TDRKH: variants seen among roughly 807,000 people sequenced by gnomAD.
TDRKH encodes the protein tudor and KH domain containing.
TDRKH carries 28 observed loss-of-function variants against 61.3 expected under a neutral mutation model. The ratio of observed to expected loss-of-function variants is 0.46; its 90% CI spans 0.34 to 0.63. The LOEUF (loss-of-function observed/expected upper bound fraction) is 0.63, where lower values mean the gene tolerates loss of function less well. Ranked by LOEUF, TDRKH falls within the 20% of genes least tolerant of loss-of-function variation. The pLI is 0.01. For missense variants in TDRKH, 540 were observed against 683.4 expected (o/e 0.79, Z 2.34); for synonymous variants, 219 against 244.4 (o/e 0.90, Z 0.97).
intron 1 of TDRKH, among the ~76,000 whole-genome samples, chr1:151,789,153 G>A (rs1441402018): frequency 6.6e-6 from 1 of 152,088 alleles, no homozygotes; most frequent in Non-Finnish European, 1.5e-5. Flanking sequence ...CAGTCGTCCG[G>A]CGTAGCTGAG....
At chr1:151,770,328 A>AC, downstream of TDRKH, 1 of 1,541,442 alleles carries the variant, frequency 6.5e-7, no homozygotes, top group Non-Finnish European at 8.7e-7. Flanking sequence ...TTTATAGGAG[A>AC]CCCTCTTCCC....
In TDRKH at chr1:151,776,591, G is replaced by T. The variant is rs1649206503; in HGVS notation, c.892C>A (p.Pro298Thr). ...PEMPMFEIPS[P>T]DFSFHADEYL... ...TCATCAGCATGAAAACTGAAGTCAG[G>T]ACTGGGGACTGAACACAGAGATAAG... The change falls in exon 7 of 13, where the codon CCT (proline) becomes ACT (threonine). Residue 298 changes from proline (P) to threonine (T), a missense_variant. Coordinates refer to ENST00000368824, the MANE Select transcript of TDRKH (RefSeq NM_001083965.2). 3 of 1,614,080 alleles carry T rather than the reference G, an allele frequency of 1.9e-6. No individual in the cohort carries two copies. The highest frequency in any genetic ancestry group is 4.5e-5 in the East Asian group (2 of 44,882).
chr1:151,776,713 G>A, intron 6 of TDRKH, 114 bp from the exon 7 acceptor site: 2 of 1,182,468 alleles, frequency 1.7e-6, no homozygotes, highest in South Asian at 3.1e-5. Flanking sequence ...ATTTTAAAAT[G>A]GCAGGAGAGG....
At chr1:151,768,307 T>C, downstream of TDRKH, 1 of 1,535,978 alleles carries the variant, frequency 6.5e-7, no homozygotes, top group African/African-American at 1.4e-5. Flanking sequence ...TCATAGTACA[T>C]AAGGCTAATT....
chr1:151,776,658 G>A lies in TDRKH; in HGVS notation c.884-59C>T. The A allele has an allele frequency of 3.2e-6, 5 of 1,585,908 alleles. No individual in the cohort carries two copies. The South Asian group carries it at 3.4e-5, about 11-fold the overall frequency. ...GACCCATCTCTGGTTGGAATGAAGAGACTAACCAGGGTAGTGAGAGGTACA... is the reference window on the plus strand; with the variant it reads ...GACCCATCTCTGGTTGGAATGAAGAAACTAACCAGGGTAGTGAGAGGTACA... On this transcript the variant is annotated intron_variant, in intron 6 of 12. Transcript: ENST00000368824.
intron 1 of TDRKH, among the ~76,000 whole-genome samples, chr1:151,788,987 G>T (rs751451832): frequency 3.3e-5 from 5 of 152,176 alleles, no homozygotes; most frequent in Non-Finnish European, 7.3e-5. Context: ...GTGGCTGCAG[G>T]AGACCAATCA....
downstream of TDRKH, among the ~76,000 whole-genome samples, chr1:151,768,531 T>G (rs1648455094): frequency 6.6e-6 from 1 of 152,194 alleles, no homozygotes; most frequent in African/African-American, 2.4e-5. Flanking sequence ...TGCAATCTCT[T>G]GGCTTCCAAG....
At position 151,781,471 on chromosome 1, in the gene TDRKH, A is replaced by T. The variant is rs199823372; in HGVS notation, c.231+10T>A. 47 of 1,611,532 alleles carry T rather than the reference A, an allele frequency of 2.9e-5. No individual in the cohort carries two copies. In the African/African-American group the frequency reaches 4.8e-4, roughly 16 times the overall value. ...CCTTGGGAAAGCAGACTGCCTACTC[A>T]CACACTTACCTGTTTAATATTGGCT... On this transcript the variant is annotated intron_variant, in intron 3 of 12. Coordinates refer to ENST00000368824, the MANE Select transcript of TDRKH (RefSeq NM_001083965.2).
intron 1 of TDRKH, among the ~76,000 whole-genome samples, chr1:151,786,703 A>T (rs1335907263): frequency 6.6e-6 from 1 of 152,248 alleles, no homozygotes; most frequent in African/African-American, 2.4e-5. Context: ...GGTTTTAAAC[A>T]AATTTAATCC....
At position 151,780,087 on chromosome 1, in the gene TDRKH, A is replaced by G; in HGVS notation, c.285T>C (p.Asp95=). The G allele has an allele frequency of 6.2e-7, 1 of 1,614,214 alleles. No homozygotes were observed. The highest frequency in any genetic ancestry group is 2.2e-5 in the East Asian group (1 of 44,884). The change falls in exon 4 of 13, where the codon GAT becomes GAC. Residue 95 remains aspartate (D), a synonymous_variant. Transcript: ENST00000368824. ...RIDVDTEDVG[D]ERVLLISGFP... ...AACCACTGATAAGCAGCACTCGCTC[A>G]TCGCCTACATCCTCTGTGTCCACAT...
rs199740058 is a variant in TDRKH at position 151,779,231 on chromosome 1, C to T, written c.433G>A (p.Glu145Lys). ...SVGRIIGRGGETIRSICKASG... is the reference protein window; with the variant it reads ...SVGRIIGRGGKTIRSICKASG... ...GCCTTACAGATAGAACGAATTGTCTCGCCGCCTCTCCCTACATTAAACAAT... is the reference window on the plus strand; with the variant it reads ...GCCTTACAGATAGAACGAATTGTCTTGCCGCCTCTCCCTACATTAAACAAT... The change falls in exon 5 of 13, where the codon GAG becomes AAG. Residue 145 changes from glutamate (E) to lysine (K), a missense_variant. Transcript: ENST00000368824. 3.7e-6 allele frequency: 6 copies of T among 1,614,064 alleles called. No individual in the cohort carries two copies. Among genetic ancestry groups the T allele is most frequent in the East Asian group, 2.2e-5 (1 of 44,884 alleles).
At chr1:151,766,604 G>A, downstream of TDRKH, 1 of 1,197,572 alleles carries the variant, frequency 8.4e-7, no homozygotes, top group South Asian at 1.5e-5. Context: ...GTGACATAAG[G>A]GCTGACCCCT....
intron 1 of TDRKH, among the ~76,000 whole-genome samples, chr1:151,785,930 C>T (rs1314558019): frequency 6.6e-6 from 1 of 152,064 alleles, no homozygotes; most frequent in Non-Finnish European, 1.5e-5. Context: ...ACAAAGCAAG[C>T]TGGCTTTAAA....
intron 1 of TDRKH, among the ~76,000 whole-genome samples, chr1:151,786,425 A>G (rs1311308801): frequency 1.3e-5 from 2 of 152,246 alleles, no homozygotes; most frequent in African/African-American, 4.8e-5. Context: ...CGTCTGGGCC[A>G]GGATGGAGAT....
chr1:151,782,831 T>C lies in TDRKH; in HGVS notation c.124+68A>G, dbSNP rs988173705. The C allele has an allele frequency of 2.0e-6, 3 of 1,476,778 alleles. No individual in the cohort carries two copies. The African/African-American group carries it at 4.4e-5, about 22-fold the overall frequency. 91.5% of individuals were successfully genotyped at this position (1,476,778 alleles called of 1,614,324 possible). A position where few individuals can be genotyped will look rare whatever the true frequency, so the allele number is the denominator to read the frequency against. ...CACAATACCTGGCAAGGAAAGAGTT[T>C]TTTTCAATTTAACAAGGCAGGAGCA... On this transcript the variant is annotated intron_variant, in intron 2 of 12. Transcript: ENST00000368824.
chr1:151,781,328 A>AAAAATATATATATATATATATAT (rs1491536697), intron 3 of TDRKH, among the ~76,000 whole-genome samples, 153 bp downstream of exon 3: 2 of 68,600 alleles, frequency 2.9e-5, no homozygotes, highest in Non-Finnish European at 6.8e-5. Context: ...AAAAAAAAAA[A>AAAAATATATATATATATATATAT]ATATATATAT....
rs569222928 is a variant in TDRKH, at chr1:151,775,090, G to T, written c.1511C>A (p.Ala504Asp). ...CATGTCCTTCAACATGTCTGGGACA[G>T]CTCTGTTTTCTTCTATGTCTTCAGG... Reference protein sequence around the residue: ...ELPEDIEENRAVPDMLKDMAT... With the variant: ...ELPEDIEENRDVPDMLKDMAT... Residue 504 changes from alanine to aspartate, a missense_variant, in exon 11 of 13, where the codon GCT becomes GAT. This residue lies in a region of TDRKH where 379 missense variants were observed against 443.8 expected (regional missense o/e 0.85). Coordinates refer to ENST00000368824, the MANE Select transcript of TDRKH (RefSeq NM_001083965.2). 158 of 1,614,138 alleles carry T rather than the reference G, an allele frequency of 9.8e-5. 2 individuals are homozygous for T. In the South Asian group the frequency reaches 1.6e-3, roughly 17 times the overall value.
At chr1:151,775,614 C>A (rs1460654948) in intron 9 of TDRKH, 71 bp from the exon 10 acceptor site, 32 of 1,547,570 alleles carry the variant, frequency 2.1e-5, no homozygotes, top group Non-Finnish European at 2.8e-5. Flanking sequence ...TTGGAACTAC[C>A]CTTTTCTACT....
chr1:151,783,038 T>G lies in TDRKH; in HGVS notation c.-16A>C, dbSNP rs761034637. The G allele has an allele frequency of 6.2e-7, 1 of 1,609,732 alleles. No homozygotes were observed. Among genetic ancestry groups the G allele is most frequent in the South Asian group, 1.1e-5 (1 of 90,216 alleles). On this transcript the variant is annotated 5_prime_UTR_variant, in exon 2 of 13. Coordinates refer to ENST00000368824, the MANE Select transcript of TDRKH (RefSeq NM_001083965.2). Reference sequence around the variant, plus strand: ...CAGTAGACATTTTCTGCTGTACTCTTTGACTTATATCCTGAAACAAGCAAA... The same window carrying G: ...CAGTAGACATTTTCTGCTGTACTCTGTGACTTATATCCTGAAACAAGCAAA...
Sources: allele counts gnomAD v4.1 joint callset (sites outside exome capture counted in the v4.1 genomes callset), GRCh38; gene constraint gnomAD v4.1.1; regional missense constraint gnomAD v4.1.1; transcripts MANE v1.5; gene names NCBI Gene and HGNC (gene_info 2026-07-23, HGNC 2026-07-21).